PARP10: variants seen among roughly 807,000 people sequenced by gnomAD.
PARP10 encodes the protein poly(ADP-ribose) polymerase family member 10.
In PARP10, 56 loss-of-function variants were observed where a neutral mutation model predicts 82.4. The observed-to-expected ratio is 0.68, with a 90% CI of 0.55 to 0.85. The LOEUF (loss-of-function observed/expected upper bound fraction) is 0.85. Ranked by LOEUF, PARP10 falls within the 40% of genes least tolerant of loss-of-function variation. The pLI, the probability that PARP10 is intolerant of heterozygous loss-of-function variation, is 0.00. For synonymous variants in PARP10, 576 were observed against 601.1 expected (o/e 0.96, Z 0.61); for missense variants, 1,227 against 1,379.4 (o/e 0.89, Z 1.75).
chr8:143,981,635 A>G (rs111216038), intron 9 of PARP10, among the ~76,000 whole-genome samples: 1 of 4,794 alleles, frequency 2.1e-4, no homozygotes, highest in Non-Finnish European at 3.9e-4. Context: ...GATGGTGATG[A>G]TGGTGGTGAC....
At position 143,984,419 on chromosome 8, in the gene PARP10, G is replaced by C. The variant is rs1322738588; in HGVS notation, c.1471C>G (p.Gln491Glu). The stretch of plus-strand genomic sequence containing the variant: ...TCCTCAGCCGCCTGGCAGGAAGCCT[G>C]GGCTCCACAGAGCTGCAGGGCCATT... ...DMTGFRLCGAQASCQAAEEFL... is the reference protein window; with the variant it reads ...DMTGFRLCGAEASCQAAEEFL... Residue 491 changes from glutamine to glutamate, a missense_variant, in exon 6 of 11, where the codon CAG becomes GAG. By Grantham distance (29) the Gln-to-Glu change is conservative. Transcript: ENST00000313028. 5.0e-5 allele frequency: 80 copies of C among 1,609,414 alleles called. No individual in the cohort carries two copies. Among genetic ancestry groups the C allele is most frequent in the Admixed American group, 6.7e-5 (4 of 59,876 alleles).
chr8:143,991,896 T>C (rs1554750571), upstream of PARP10: 1 of 1,612,066 alleles, frequency 6.2e-7, no homozygotes, highest in Non-Finnish European at 8.5e-7. Context: ...AGTGCTGACC[T>C]TGCAGCTGTC....
upstream of PARP10, among the ~76,000 whole-genome samples, chr8:143,989,363 G>A (rs1043108615): frequency 3.3e-5 from 5 of 152,204 alleles, no homozygotes; most frequent in African/African-American, 9.7e-5. The surrounding 1 kb of genome is among the most constrained non-coding windows in gnomAD (Gnocchi z 4.3). Context: ...GAGCGTTCAG[G>A]GTCTCTAGTG....
chr8:143,991,525 A>C, upstream of PARP10: 1 of 1,541,820 alleles, frequency 6.5e-7, no homozygotes, highest in East Asian at 2.3e-5. Flanking sequence ...GGCTACCCCC[A>C]GGGGCCATAT....
chr8:143,977,806 T>C lies in PARP10; in HGVS notation c.2756A>G (p.Tyr919Cys). The C allele has an allele frequency of 3.1e-6, 5 of 1,601,218 alleles. No homozygotes were observed. Among genetic ancestry groups the C allele is most frequent in the Non-Finnish European group, 3.4e-6 (4 of 1,174,410 alleles). ...RNATVYGKGVYFARRASLSVQ... is the reference protein window; with the variant it reads ...RNATVYGKGVCFARRASLSVQ... The stretch of plus-strand genomic sequence containing the variant: ...CGACAGGGAGGCGCGCCTGGCGAAA[T>C]ACACGCCCTTCCCGTAGACCGTGGC... The change falls in exon 11 of 11, where the codon TAT (tyrosine) becomes TGT (cysteine). Residue 919 changes from tyrosine to cysteine, a missense_variant. Coordinates refer to ENST00000313028, the MANE Select transcript of PARP10 (RefSeq NM_032789.5).
rs1352411384 is a variant in PARP10, at chr8:143,984,778, T to C, written c.1224A>G (p.Pro408=). The stretch of plus-strand genomic sequence containing the variant: ...TGGGACCCACCAGCCCCTCTTGCTC[T>C]GGTGAGTCCATGGCAATTTCCACCA... ...EGLVEIAMDS[P]EQEGLVGPME... The change falls in exon 5 of 11, where the codon CCA becomes CCG. Residue 408 remains proline, a synonymous_variant. Transcript: ENST00000313028. 6.2e-7 allele frequency: 1 copy of C among 1,613,490 alleles called. No individual in the cohort carries two copies. The highest frequency in any genetic ancestry group is 8.5e-7 in the Non-Finnish European group (1 of 1,179,776).
rs1834287024 is a variant in PARP10 at position 144,011,856 on chromosome 8, G to C, written c.-80+674C>G. 6.6e-6 allele frequency among the ~76,000 whole-genome samples: 1 copy of C among 152,146 alleles called. No homozygotes were observed. Among genetic ancestry groups the C allele is most frequent in the Non-Finnish European group, 1.5e-5 (1 of 68,022 alleles). ...GGACCAGCAGTAAGATAGAGACTCT[G>C]AGCACCTGGGTCAGAAGAAATCATG... On this transcript the variant is annotated intron_variant, in intron 1 of 3. Coordinates refer to the PARP10 transcript ENST00000530478. This position sits in a 1 kb window ranked among gnomAD's most constrained non-coding sequence, Gnocchi z 4.5.
chr8:143,987,899 A>AC (rs1296325235), upstream of PARP10, among the ~76,000 whole-genome samples: 5 of 150,890 alleles, frequency 3.3e-5, no homozygotes, highest in Non-Finnish European at 7.4e-5. Flanking sequence ...TAAAAAAAAA[A>AC]CAAAAACCCA....
intron 9 of PARP10, among the ~76,000 whole-genome samples, 195 bp downstream of exon 9, chr8:143,982,737 C>G (rs1251445980): frequency 6.6e-6 from 1 of 152,234 alleles, no homozygotes; most frequent in Non-Finnish European, 1.5e-5. Flanking sequence ...ATCCCAAGGC[C>G]CCCACTCTGT....
intron 1 of PARP10, among the ~76,000 whole-genome samples, chr8:143,999,012 C>T (rs1442003218): frequency 6.7e-6 from 1 of 148,444 alleles, no homozygotes. Context: ...TCCTTCCTTC[C>T]TTCCTTCTTT....
intron 9 of PARP10, among the ~76,000 whole-genome samples, chr8:143,982,433 C>T (rs949306049): frequency 3.3e-5 from 5 of 152,096 alleles, no homozygotes; most frequent in Non-Finnish European, 5.9e-5. Context: ...GAGATCGTGC[C>T]ACTGCACTCC....
At position 144,010,046 on chromosome 8, in the gene PARP10, G is replaced by A. The variant is rs4977178; in HGVS notation, c.-80+2484C>T. On this transcript the variant is annotated intron_variant, in intron 1 of 3. Coordinates refer to the PARP10 transcript ENST00000530478. ...ACAGCCACAGGCCCTGTCCCAACCT[G>A]GGCCCTCCATCCCTCCCCAGCACAT... Among the ~76,000 whole-genome samples the A allele has an allele frequency of 3.2e-4, 48 of 152,198 alleles. 1 individual carries two copies. The East Asian group carries it at 9.1e-3, about 29-fold the overall frequency.
intron 1 of PARP10, among the ~76,000 whole-genome samples, chr8:144,000,103 C>A (rs1834191336): frequency 6.6e-6 from 1 of 152,198 alleles, no homozygotes; most frequent in African/African-American, 2.4e-5. Context: ...AACTCCCCAA[C>A]CATTTTACGA....
chr8:143,989,169 G>A (rs1357923374), upstream of PARP10, among the ~76,000 whole-genome samples: 1 of 152,230 alleles, frequency 6.6e-6, no homozygotes, highest in Non-Finnish European at 1.5e-5. This position sits in a 1 kb window ranked among gnomAD's most constrained non-coding sequence, Gnocchi z 4.3. Flanking sequence ...CTCCAAGGGC[G>A]GGAGGGCAGG....
chr8:143,995,779 C>A (rs562605753), upstream of PARP10, among the ~76,000 whole-genome samples: 4 of 152,184 alleles, frequency 2.6e-5, no homozygotes, highest in East Asian at 1.9e-4. Flanking sequence ...TCAGACTACT[C>A]TGACCATGAT....
intron 9 of PARP10, 132 bp downstream of exon 9, chr8:143,982,800 G>A: frequency 7.1e-7 from 1 of 1,418,408 alleles, no homozygotes; most frequent in Non-Finnish European, 9.6e-7. Context: ...AGAGAACAGG[G>A]CTGGGAGCCT....
upstream of PARP10, chr8:143,990,072 T>C (rs1834064635): frequency 6.8e-6 from 1 of 147,176 alleles, no homozygotes; most frequent in Non-Finnish European, 1.5e-5. The surrounding 1 kb of genome is among the most constrained non-coding windows in gnomAD (Gnocchi z 5.6). Context: ...CCCCGCTGCG[T>C]CTTCCGAGCC....
At chr8:143,996,792 A>G (rs1554751331) in intron 1 of PARP10, among the ~76,000 whole-genome samples, 1 of 152,208 alleles carries the variant, frequency 6.6e-6, no homozygotes, top group East Asian at 1.9e-4. Context: ...AAGCAGGTAG[A>G]AGAAGGAGAG....
chr8:143,980,318 T>TAAAAAAAAAAAAAAAAA (rs1564247548), intron 9 of PARP10, among the ~76,000 whole-genome samples: 9 of 15,666 alleles, frequency 5.7e-4, no homozygotes, highest in African/African-American at 1.3e-3. Flanking sequence ...AGATTCCGTC[T>TAAAAAAAAAAAAAAAAA]CAAAAAAAAA....
Sources: gnomAD v4.1 joint callset for allele counts (sites outside exome capture counted in the v4.1 genomes callset) on GRCh38, gnomAD v4.1.1 for gene constraint, Gnocchi (gnomAD v3.1) non-coding constraint, MANE v1.5 for transcripts, NCBI Gene and HGNC (gene_info 2026-07-23, HGNC 2026-07-21) for gene names.